Variants in PTPRD observed in about 807,000 individuals in gnomAD.
PTPRD encodes receptor-type tyrosine-protein phosphatase delta.
In PTPRD, 34 loss-of-function variants were observed where a neutral mutation model predicts 214.5. That is an observed-to-expected ratio of 0.16 (90% CI 0.12 to 0.21). PTPRD has a LOEUF of 0.21. PTPRD is among the 10% of genes least tolerant of loss of function. The pLI is 1.00. For missense variants in PTPRD, 2,545 were observed against 2,398.7 expected (o/e 1.06, Z -1.27); for synonymous variants, 1,128 against 845.7 (o/e 1.33, Z -5.79).
intron 14 of PTPRD, among the ~76,000 whole-genome samples, chr9:8,605,133 C>T (rs1246162424): frequency 6.6e-6 from 1 of 152,214 alleles, no homozygotes; most frequent in African/African-American, 2.4e-5. Flanking sequence ...ATAAACTCTT[C>T]TTCTATCAAC....
In PTPRD at chr9:9,820,521, C is replaced by T. The variant is rs2050345167; in HGVS notation, c.-367-53670G>A. On this transcript the variant is annotated intron_variant, in intron 5 of 45. Transcript: ENST00000381196. Reference sequence around the variant, plus strand: ...CACTTGTCAATTTTTGTTGTTGTTGCAATTGCTTTTGAGGGCTTAGTCATA... The same window carrying T: ...CACTTGTCAATTTTTGTTGTTGTTGTAATTGCTTTTGAGGGCTTAGTCATA... Among the ~76,000 whole-genome samples, 3 of 152,076 alleles carry T rather than the reference C, an allele frequency of 2.0e-5. No homozygotes were observed. The South Asian group carries it at 6.2e-4, about 31-fold the overall frequency.
chr9:8,473,834 A>G (rs1229033452), intron 30 of PTPRD, among the ~76,000 whole-genome samples: 1 of 152,308 alleles, frequency 6.6e-6, no homozygotes, highest in East Asian at 1.9e-4. Flanking sequence ...TGATCTCTAA[A>G]GCATTCATCT....
At chr9:9,340,856 G>C (rs1231892340) in intron 9 of PTPRD, among the ~76,000 whole-genome samples, 1 of 152,050 alleles carries the variant, frequency 6.6e-6, no homozygotes, top group East Asian at 1.9e-4. Flanking sequence ...CCTGAAGAAG[G>C]CATATAATTC....
intron 9 of PTPRD, among the ~76,000 whole-genome samples, chr9:9,248,765 G>A (rs557756292): frequency 2.0e-5 from 3 of 152,168 alleles, no homozygotes; most frequent in South Asian, 2.1e-4. Context: ...GCATTTGGGT[G>A]TTGCAAAAAG....
intron 14 of PTPRD, among the ~76,000 whole-genome samples, chr9:8,580,596 C>G (rs1018110855): frequency 2.0e-5 from 3 of 152,158 alleles, no homozygotes; most frequent in African/African-American, 7.2e-5. Flanking sequence ...ATTAAAAAGA[C>G]TTAAACTTGA....
At chr9:9,268,229 T>A (rs1941052088) in intron 9 of PTPRD, among the ~76,000 whole-genome samples, 1 of 151,092 alleles carries the variant, frequency 6.6e-6, no homozygotes, top group Non-Finnish European at 1.5e-5. Flanking sequence ...AATGAACTCT[T>A]AAGAAAAGAA....
intron 4 of PTPRD, among the ~76,000 whole-genome samples, chr9:9,996,789 A>T (rs1220116236): frequency 6.6e-6 from 1 of 152,236 alleles, no homozygotes; most frequent in Admixed American, 6.5e-5. Context: ...TACAGAATTC[A>T]TCCAGGAAGG....
intron 9 of PTPRD, among the ~76,000 whole-genome samples, chr9:9,213,567 T>C (rs4237173): frequency 0.88 from 133,571 of 152,000 alleles, 59,359 homozygotes; most frequent in Non-Finnish European, 0.94. Flanking sequence ...TGGTTAGGTC[T>C]GCCTCATTTG....
At chr9:9,415,992 T>A (rs1486723062) in intron 8 of PTPRD, among the ~76,000 whole-genome samples, 1 of 152,160 alleles carries the variant, frequency 6.6e-6, no homozygotes, top group African/African-American at 2.4e-5. Flanking sequence ...CAGGATAGGA[T>A]AGATGTAGGA....
At chr9:8,659,265 G>A (rs1266712372) in intron 12 of PTPRD, among the ~76,000 whole-genome samples, 2 of 152,288 alleles carry the variant, frequency 1.3e-5, no homozygotes, top group Admixed American at 1.3e-4. Context: ...CACTTTGGCT[G>A]CAAGAATCTC....
At chr9:9,033,455 C>A (rs1369307599) in intron 10 of PTPRD, among the ~76,000 whole-genome samples, 1 of 152,004 alleles carries the variant, frequency 6.6e-6, no homozygotes, top group East Asian at 1.9e-4. Flanking sequence ...GGAATTCTTC[C>A]AGCTTTATCA....
intron 7 of PTPRD, among the ~76,000 whole-genome samples, chr9:9,637,718 G>C (rs2095816822): frequency 2.0e-5 from 3 of 152,116 alleles, no homozygotes; most frequent in Admixed American, 2.0e-4. Flanking sequence ...GAATGGCCCT[G>C]CTCCCATGGC....
At chr9:10,330,440 T>C (rs1010520820) in intron 3 of PTPRD, among the ~76,000 whole-genome samples, 2 of 151,848 alleles carry the variant, frequency 1.3e-5, no homozygotes, top group Admixed American at 1.3e-4. Context: ...AGGAATCTTC[T>C]ATGTTTATTA....
intron 10 of PTPRD, among the ~76,000 whole-genome samples, chr9:9,040,443 G>A (rs324522): frequency 0.98 from 148,796 of 152,250 alleles, 72,812 homozygotes; most frequent in Middle Eastern, 1. Flanking sequence ...TAAAGGTGTA[G>A]AATTTTAAAA....
chr9:8,816,030 C>T (rs2096912386), intron 11 of PTPRD, among the ~76,000 whole-genome samples: 1 of 152,112 alleles, frequency 6.6e-6, no homozygotes, highest in African/African-American at 2.4e-5. Context: ...AAATGTAAGC[C>T]TTAGGGTTTA....
chr9:9,577,838 G>A (rs1003550938), intron 7 of PTPRD, among the ~76,000 whole-genome samples: 2 of 151,858 alleles, frequency 1.3e-5, no homozygotes, highest in East Asian at 1.9e-4. Context: ...CTGAGGTTGG[G>A]AGTTCAAGAC....
intron 10 of PTPRD, among the ~76,000 whole-genome samples, chr9:9,085,030 G>A (rs1318421562): frequency 6.6e-6 from 1 of 152,024 alleles, no homozygotes; most frequent in Non-Finnish European, 1.5e-5. Context: ...GTATAGTTAA[G>A]CACAAAAGGA....
At position 9,101,278 on chromosome 9, in the gene PTPRD, T is replaced by C. The variant is rs1023881765; in HGVS notation, c.-143+82026A>G. ...GCTTTAATAGATGCTTAGGGATTCA[T>C]TGCTGGAAGAAATTTGGGATATTAG... On this transcript the variant is annotated intron_variant, in intron 10 of 45. Transcript: ENST00000381196. Among the ~76,000 whole-genome samples the C allele has an allele frequency of 4.6e-5, 7 of 152,302 alleles. No homozygotes were observed. In the East Asian group the frequency reaches 7.7e-4, roughly 17 times the overall value.
rs572857031 is a variant in PTPRD at position 9,593,298 on chromosome 9, C to CT, written c.-286-18518dup. 6.1e-3 allele frequency among the ~76,000 whole-genome samples: 830 copies of CT among 137,122 alleles called. 4 individuals are homozygous for CT. Among genetic ancestry groups the CT allele is most frequent in the African/African-American group, 0.016 (616 of 37,788 alleles). 90.0% of individuals were successfully genotyped at this position (137,122 alleles called of 152,430 possible). A position where few individuals can be genotyped will look rare whatever the true frequency, so the allele number is the denominator to read the frequency against. ...CACACTATTTTTTATGGAAACTTAA[C>CT]TTTTTTTTTTTTTGCTTGCTTTTCT... On this transcript the variant is annotated intron_variant, in intron 7 of 45. Transcript: ENST00000381196.
Sources: gnomAD v4.1 joint callset for allele counts (sites outside exome capture counted in the v4.1 genomes callset) on GRCh38, gnomAD v4.1.1 for gene constraint, MANE v1.5 for transcripts, NCBI Gene and HGNC (gene_info 2026-07-23, HGNC 2026-07-21) for gene names.